Variants in MSH4 observed in about 807,000 individuals in gnomAD.
MSH4 encodes mutS homolog 4.
Under a neutral mutation model 113.7 loss-of-function variants are expected in MSH4, and 106 were observed. That is an observed-to-expected ratio of 0.93 (90% CI 0.80 to 1.10). The LOEUF is 1.10. Among genes scored for constraint, MSH4 ranks in the 50% least tolerant of loss-of-function variants. MSH4 has a pLI of 0.00. For synonymous variants in MSH4, 368 were observed against 380.2 expected, an observed-to-expected ratio of 0.97 and a Z score of 0.37; for missense variants, 1,061 against 1,093.7, an observed-to-expected ratio of 0.97 and a Z score of 0.42.
Position 75,852,510 on chromosome 1 carries a change from G to C in MSH4, c.1230+4234G>C, listed in dbSNP as rs576780001. 6.6e-5 allele frequency among the ~76,000 whole-genome samples: 10 copies of C among 152,116 alleles called. No homozygotes were observed. In the South Asian group the frequency reaches 2.1e-3, roughly 32 times the overall value. Reference sequence around the variant, plus strand: ...TAGGTATCCACCAGCAGTGTTTGAGGGTTCTGATTTCTCCACATCCTTGTC... The same window carrying C: ...TAGGTATCCACCAGCAGTGTTTGAGCGTTCTGATTTCTCCACATCCTTGTC... On this transcript the variant is annotated intron_variant, in intron 8 of 19. Coordinates refer to ENST00000263187, the MANE Select transcript of MSH4 (RefSeq NM_002440.4).
chr1:75,885,439 A>G (rs1456354011), intron 15 of MSH4, among the ~76,000 whole-genome samples: 4 of 74,632 alleles, frequency 5.4e-5, no homozygotes, highest in African/African-American at 2.4e-4. Context: ...CTGAGTGTGT[A>G]TATACATATA....
intron 7 of MSH4, among the ~76,000 whole-genome samples, chr1:75,829,174 G>A (rs10873727): frequency 0.21 from 31,519 of 152,136 alleles, 3,827 homozygotes; most frequent in African/African-American, 0.3. Flanking sequence ...CGTCCATGGA[G>A]CCTCGCTCAC....
Position 75,881,354 on chromosome 1 carries a change from C to A in MSH4, c.1890C>A (p.Cys630Ter). The change falls in exon 14 of 20, where the codon TGC becomes TGA. Residue 630 changes from cysteine (C) to a stop codon, truncating the protein, a stop_gained. Coordinates refer to ENST00000263187, the MANE Select transcript of MSH4 (RefSeq NM_002440.4). LOFTEE classifies it high-confidence loss of function. ...LDMLLSFAHACTLSDYVRPEF... is the reference protein window; with the variant it reads ...LDMLLSFAHA The stretch of plus-strand genomic sequence containing the variant: ...TGCTACTGTCATTTGCTCATGCCTG[C>A]ACTCTTTCTGACTATGGTAAGTTGC... 6.2e-7 allele frequency: 1 copy of A among 1,611,598 alleles called. No individual in the cohort carries two copies. The highest frequency in any genetic ancestry group is 1.1e-5 in the South Asian group (1 of 90,940).
Position 75,807,099 on chromosome 1 carries a change from A to T in MSH4, c.546A>T (p.Gln182His). ...CAAGTATTGATTTAAAAAACCCCCAAATTATACTATCCCAGTTTGCAGACA... is the reference window on the plus strand; with the variant it reads ...CAAGTATTGATTTAAAAAACCCCCATATTATACTATCCCAGTTTGCAGACA... ...GMASIDLKNP[Q>H]IILSQFADNT... Residue 182 changes from glutamine to histidine, a missense_variant, in exon 3 of 20, where the codon CAA becomes CAT. Gln to His is a conservative substitution (Grantham distance 24). Coordinates refer to ENST00000263187, the MANE Select transcript of MSH4 (RefSeq NM_002440.4). The T allele has an allele frequency of 6.3e-7, 1 of 1,580,918 alleles. No homozygotes were observed. The highest frequency in any genetic ancestry group is 8.5e-7 in the Non-Finnish European group (1 of 1,170,642).
chr1:75,807,192 A>G (rs771919170), intron 3 of MSH4, 51 bp downstream of exon 3: 1 of 1,401,934 alleles, frequency 7.1e-7, no homozygotes, highest in South Asian at 1.9e-5. Flanking sequence ...CAGTATCTAG[A>G]GTTTAAAGTC....
At chr1:75,885,987 G>A (rs1218075920) in intron 15 of MSH4, among the ~76,000 whole-genome samples, 9 of 93,194 alleles carry the variant, frequency 9.7e-5, no homozygotes, top group African/African-American at 1.8e-4. Flanking sequence ...TATATATGAT[G>A]TATTATATAG....
At chr1:75,868,330 TGA>T (rs1651633915) in intron 9 of MSH4, among the ~76,000 whole-genome samples, 1 of 152,222 alleles carries the variant, frequency 6.6e-6, no homozygotes, top group Non-Finnish European at 1.5e-5. Flanking sequence ...AGAGTTATTT[TGA>T]GAATGTGTAA....
intron 15 of MSH4, among the ~76,000 whole-genome samples, chr1:75,885,053 G>GTATATATATATATATATATATA (rs1440812710): frequency 2.8e-4 from 29 of 103,654 alleles, no homozygotes; most frequent in African/African-American, 9.8e-4. Context: ...GTGTGTGTGT[G>GTATATATATATATATATATATA]TGTGTGTATA....
chr1:75,875,202 T>A (rs951059402), intron 9 of MSH4, among the ~76,000 whole-genome samples: 1 of 152,202 alleles, frequency 6.6e-6, no homozygotes, highest in Non-Finnish European at 1.5e-5. Context: ...CCAATTGACA[T>A]TTTTAACATC....
chr1:75,821,094 G>A (rs1650398313), intron 6 of MSH4, among the ~76,000 whole-genome samples: 1 of 151,478 alleles, frequency 6.6e-6, no homozygotes, highest in African/African-American at 2.4e-5. Flanking sequence ...CAAATCAACA[G>A]AATATACATT....
intron 7 of MSH4, among the ~76,000 whole-genome samples, chr1:75,837,613 C>T (rs764229914): frequency 6.6e-6 from 1 of 152,100 alleles, no homozygotes; most frequent in Non-Finnish European, 1.5e-5. Flanking sequence ...GTCTCAAACT[C>T]CTGACCTCAG....
chr1:75,882,324 T>G (rs1651951200), intron 14 of MSH4, among the ~76,000 whole-genome samples: 1 of 152,076 alleles, frequency 6.6e-6, no homozygotes. Context: ...ACTTAAAATT[T>G]TTTTTCTAAC....
At chr1:75,895,553 A>G (rs1652360873) in intron 17 of MSH4, among the ~76,000 whole-genome samples, 1 of 152,180 alleles carries the variant, frequency 6.6e-6, no homozygotes, top group Non-Finnish European at 1.5e-5. Context: ...TGTAATTGTC[A>G]TGATTATTTC....
At chr1:75,852,677 A>G (rs1405011468) in intron 8 of MSH4, among the ~76,000 whole-genome samples, 2 of 152,078 alleles carry the variant, frequency 1.3e-5, no homozygotes, top group African/African-American at 4.8e-5. Flanking sequence ...TTGGAGAAAT[A>G]TTTATTAATA....
rs1277644872 is a variant in MSH4 at position 75,844,501 on chromosome 1, AT to A, written c.1163-3702del. ...ACCATCCCACATGGCTGATTGTTGT[AT>A]TTTTTGTAGAGACAGGGTCTCACTG... On this transcript the variant is annotated intron_variant, in intron 7 of 19. Coordinates refer to ENST00000263187, the MANE Select transcript of MSH4 (RefSeq NM_002440.4). Among the ~76,000 whole-genome samples the A allele has an allele frequency of 3.3e-5, 5 of 151,768 alleles. No individual in the cohort carries two copies. The South Asian group carries it at 6.2e-4, about 19-fold the overall frequency.
chr1:75,906,124 G>A (rs2100594894), intron 19 of MSH4, among the ~76,000 whole-genome samples: 1 of 151,774 alleles, frequency 6.6e-6, no homozygotes, highest in Non-Finnish European at 1.5e-5. Flanking sequence ...CCAAGTAGCT[G>A]GGATTACAGG....
Position 75,879,058 on chromosome 1 carries a change from G to T in MSH4, c.1607G>T (p.Gly536Val). ...AGGACAAGTTTTAGCTCTGCTCGAGGATTTTTCATCCAGATGACTACAGAT... is the reference window on the plus strand; with the variant it reads ...AGGACAAGTTTTAGCTCTGCTCGAGTATTTTTCATCCAGATGACTACAGAT... Reference protein sequence around the residue: ...PLRTSFSSARGFFIQMTTDCI... With the variant: ...PLRTSFSSARVFFIQMTTDCI... Residue 536 changes from glycine to valine, a missense_variant, in exon 12 of 20, where the codon GGA becomes GTA. Transcript: ENST00000263187. 5 of 1,610,894 alleles carry T rather than the reference G, an allele frequency of 3.1e-6. No individual in the cohort carries two copies. The highest frequency in any genetic ancestry group is 4.2e-6 in the Non-Finnish European group (5 of 1,177,324).
At chr1:75,802,646 A>T (rs1025612395) in intron 1 of MSH4, among the ~76,000 whole-genome samples, 3 of 152,214 alleles carry the variant, frequency 2.0e-5, no homozygotes, top group Non-Finnish European at 4.4e-5. Flanking sequence ...TGCCATTTGC[A>T]TAGGGGAGAG....
At chr1:75,863,103 A>G (rs979118294) in intron 8 of MSH4, among the ~76,000 whole-genome samples, 1 of 152,146 alleles carries the variant, frequency 6.6e-6, no homozygotes, top group Non-Finnish European at 1.5e-5. Context: ...ATCATTTTGA[A>G]TAACTTTTTT....
Sources: allele counts gnomAD v4.1 joint callset (sites outside exome capture counted in the v4.1 genomes callset), GRCh38; gene constraint gnomAD v4.1.1; transcripts MANE v1.5; gene names NCBI Gene and HGNC (gene_info 2026-07-23, HGNC 2026-07-21).